The following XYLT1 variants were observed in gnomAD, a reference collection of about 807,000 sequenced individuals.
XYLT1 encodes xylosyltransferase 1, also known as beta-D-xylosyltransferase 1.
XYLT1 carries 36 observed loss-of-function variants against 91.3 expected under a neutral mutation model. The observed-to-expected ratio is 0.39, with a 90% CI of 0.30 to 0.52. The LOEUF is 0.52. Ranked by LOEUF, XYLT1 falls within the 20% of genes least tolerant of loss-of-function variation. XYLT1 has a pLI of 0.68. For synonymous variants in XYLT1, 588 were observed against 532.0 expected (o/e 1.11, Z -1.45); for missense variants, 1,242 against 1,284.5 (o/e 0.97, Z 0.51).
chr16:17,320,813 T>A (rs1270847690), intron 2 of XYLT1, among the ~76,000 whole-genome samples: 1 of 151,186 alleles, frequency 6.6e-6, no homozygotes, highest in Non-Finnish European at 1.5e-5. Flanking sequence ...ACTCTGTGCC[T>A]AGGTTTTCTT....
chr16:17,127,635 C>T lies in XYLT1; in HGVS notation c.2223+31G>A, dbSNP rs754559291. ...ATCTGGCCGAGGGAAATGCAAAATA[C>T]AATGAAATGTGACAAGACCTGGCCT... On this transcript the variant is annotated intron_variant, in intron 10 of 11. Coordinates refer to ENST00000261381, the MANE Select transcript of XYLT1 (RefSeq NM_022166.4). 4 of 1,599,350 alleles carry T rather than the reference C, an allele frequency of 2.5e-6. No individual in the cohort carries two copies. In the African/African-American group the frequency reaches 5.4e-5, roughly 22 times the overall value.
At chr16:17,157,963 G>A (rs1452359108) in intron 6 of XYLT1, among the ~76,000 whole-genome samples, 2 of 152,188 alleles carry the variant, frequency 1.3e-5, no homozygotes, top group African/African-American at 4.8e-5. Flanking sequence ...TGGTCAGGCT[G>A]GTCTCAAACT....
chr16:17,450,362 C>CAAA (rs1195577105), intron 1 of XYLT1, among the ~76,000 whole-genome samples: 3 of 145,438 alleles, frequency 2.1e-5, no homozygotes, highest in Admixed American at 2.1e-4. Flanking sequence ...AACAAACAAA[C>CAAA]AAAAAAAAAA....
intron 3 of XYLT1, among the ~76,000 whole-genome samples, chr16:17,204,322 G>A (rs376016301): frequency 2.0e-5 from 3 of 152,186 alleles, no homozygotes; most frequent in African/African-American, 7.2e-5. Flanking sequence ...AAAGGGCAGA[G>A]TCCTGTGAAA....
chr16:17,354,212 C>T (rs2035261791), intron 2 of XYLT1, among the ~76,000 whole-genome samples: 1 of 152,148 alleles, frequency 6.6e-6, no homozygotes, highest in Non-Finnish European at 1.5e-5. Flanking sequence ...TCCCCAGGGG[C>T]AGCCTGCCGA....
intron 2 of XYLT1, among the ~76,000 whole-genome samples, chr16:17,352,068 C>T (rs556363377): frequency 6.6e-6 from 1 of 152,034 alleles, no homozygotes; most frequent in African/African-American, 2.4e-5. Flanking sequence ...TGCAGTGAAC[C>T]GAGATGGAGT....
At chr16:17,329,703 G>A (rs1364743079) in intron 2 of XYLT1, among the ~76,000 whole-genome samples, 1 of 152,124 alleles carries the variant, frequency 6.6e-6, no homozygotes, top group Non-Finnish European at 1.5e-5. Context: ...TCTGTTACTT[G>A]CACAAACATG....
At position 17,141,178 on chromosome 16, in the gene XYLT1, T is replaced by A. The variant is rs761395829; in HGVS notation, c.1562A>T (p.Tyr521Phe). The change falls in exon 7 of 12, where the codon TAC becomes TTC. Residue 521 changes from tyrosine to phenylalanine, a missense_variant. By Grantham distance (22) the Tyr-to-Phe change is conservative (BLOSUM62 3). This residue lies in a region of XYLT1 where 294 missense variants were observed against 376.0 expected (regional missense o/e 0.78). Transcript: ENST00000261381. The stretch of plus-strand genomic sequence containing the variant: ...CTCAGCAGGAAGCAGGGTGTAGGAG[T>A]AGAACTGTTTCATCTTGGTCACCAG... ...DDLVTKMKQF[Y>F]SYTLLPAESF... 1 of 1,614,046 alleles carries A rather than the reference T, an allele frequency of 6.2e-7. No homozygotes were observed. The highest frequency in any genetic ancestry group is 8.5e-7 in the Non-Finnish European group (1 of 1,179,994).
At chr16:17,122,281 T>C (rs1420398786) in intron 10 of XYLT1, among the ~76,000 whole-genome samples, 1 of 152,246 alleles carries the variant, frequency 6.6e-6, no homozygotes, top group Non-Finnish European at 1.5e-5. Flanking sequence ...TTTTTGGTTA[T>C]GGCCATTCTT....
At chr16:17,329,066 T>A (rs965562445) in intron 2 of XYLT1, among the ~76,000 whole-genome samples, 3 of 152,192 alleles carry the variant, frequency 2.0e-5, no homozygotes, top group Non-Finnish European at 4.4e-5. Flanking sequence ...AGTTAAGATT[T>A]TCAGTTTAGC....
chr16:17,410,641 A>G (rs1161118431), intron 1 of XYLT1, among the ~76,000 whole-genome samples: 1 of 137,336 alleles, frequency 7.3e-6, no homozygotes, highest in Admixed American at 7.9e-5. Context: ...ATCACCTGTC[A>G]TTACTTTTTT....
chr16:17,316,998 A>G (rs1456409230), intron 2 of XYLT1, among the ~76,000 whole-genome samples: 1 of 150,046 alleles, frequency 6.7e-6, no homozygotes, highest in Non-Finnish European at 1.5e-5. Context: ...AATTTTTTGT[A>G]TTTTTAGTAG....
chr16:17,369,974 C>T (rs2035509366), intron 1 of XYLT1, among the ~76,000 whole-genome samples: 1 of 152,182 alleles, frequency 6.6e-6, no homozygotes, highest in Non-Finnish European at 1.5e-5. Context: ...CTGTTCGGGG[C>T]AGCCTCAGAG....
intron 1 of XYLT1, among the ~76,000 whole-genome samples, chr16:17,468,227 T>C (rs767878088): frequency 5.9e-5 from 9 of 151,926 alleles, no homozygotes; most frequent in Non-Finnish European, 1.0e-4. Context: ...TGTACTGTGA[T>C]TTCAGGATTT....
At chr16:17,234,808 T>C (rs576789274) in intron 3 of XYLT1, among the ~76,000 whole-genome samples, 3 of 152,286 alleles carry the variant, frequency 2.0e-5, no homozygotes, top group South Asian at 4.1e-4. Flanking sequence ...AGTAAATGAT[T>C]ACTTAGCCCA....
At chr16:17,362,095 A>G (rs890594213) in intron 1 of XYLT1, among the ~76,000 whole-genome samples, 1 of 152,212 alleles carries the variant, frequency 6.6e-6, no homozygotes, top group Non-Finnish European at 1.5e-5. Flanking sequence ...ACACTGGAGA[A>G]CACTGGGTTC....
At chr16:17,172,688 G>T (rs1167853767) in intron 5 of XYLT1, among the ~76,000 whole-genome samples, 1 of 152,072 alleles carries the variant, frequency 6.6e-6, no homozygotes, top group Admixed American at 6.5e-5. Flanking sequence ...GGCCAGGCTG[G>T]TCTCAAACTC....
chr16:17,158,909 C>T lies in XYLT1; in HGVS notation c.1290G>A (p.Arg430=), dbSNP rs369970325. The change falls in exon 6 of 12, where the codon AGG becomes AGA. Residue 430 remains arginine, a splice_region_variant and synonymous_variant. Transcript: ENST00000261381. ...INLSAADYPI[R]TNDQLVAFLS... ...GAAACGCCACCAACTGGTCATTTGT[C>T]CTGTGGAAACAAACCAAGGGGAGAG... is the stretch of plus-strand genomic sequence containing the variant. The T allele has an allele frequency of 9.9e-6, 16 of 1,613,948 alleles. No homozygotes were observed. Among genetic ancestry groups the T allele is most frequent in the Non-Finnish European group, 1.3e-5 (15 of 1,179,990 alleles).
chr16:17,249,413 T>G, intron 3 of XYLT1, among the ~76,000 whole-genome samples: 1 of 152,184 alleles, frequency 6.6e-6, no homozygotes, highest in East Asian at 1.9e-4. Flanking sequence ...GATTATGATG[T>G]GCCAAGCACG....
Sources: allele counts gnomAD v4.1 joint callset (sites outside exome capture counted in the v4.1 genomes callset), GRCh38; gene constraint gnomAD v4.1.1; regional missense constraint gnomAD v4.1.1; transcripts MANE v1.5; gene names NCBI Gene and HGNC (gene_info 2026-07-23, HGNC 2026-07-21).